The following METTL3 variants were observed in gnomAD, a reference collection of about 807,000 sequenced individuals.
METTL3 encodes the protein methyltransferase 3, N6-adenosine-methyltransferase complex catalytic subunit.
In METTL3, 42 loss-of-function variants were observed where a neutral mutation model predicts 64.3. The ratio of observed to expected loss-of-function variants is 0.65; its 90% CI spans 0.51 to 0.84. The LOEUF (loss-of-function observed/expected upper bound fraction) is 0.84. Among genes scored for constraint, METTL3 ranks in the 40% least tolerant of loss-of-function variants. The pLI is 0.00. For synonymous variants in METTL3, 256 were observed against 263.6 expected (o/e 0.97, Z 0.28); for missense variants, 435 against 722.3 (o/e 0.60, Z 4.56).
Position 21,499,071 on chromosome 14 carries a change from G to A in METTL3, c.1585C>T (p.Arg529Cys), listed in dbSNP as rs1228535300. The A allele has an allele frequency of 1.2e-6, 2 of 1,613,970 alleles. No homozygotes were observed. Among genetic ancestry groups the A allele is most frequent in the Non-Finnish European group, 1.7e-6 (2 of 1,180,014 alleles). ...GGTCGTCCAAATAACTCAATCTTGC[G>A]AGTGCCAGGAGATAGTCTTTCAATC... ...GMIERLSPGT[R>C]KIELFGRPHN... Residue 529 changes from arginine (R) to cysteine (C), a missense_variant, in exon 10 of 11, where the codon CGC becomes TGC. Physicochemically the swap from Arg to Cys is radical, Grantham distance 180. This residue lies in a region of METTL3 where 38 missense variants were observed against 102.3 expected (regional missense o/e 0.37). Coordinates refer to ENST00000298717, the MANE Select transcript of METTL3 (RefSeq NM_019852.5).
rs768726547 is a variant in METTL3, at chr14:21,500,493, A to T, written c.1304+2T>A. 7 of 1,613,962 alleles carry T rather than the reference A, an allele frequency of 4.3e-6. No individual in the cohort carries two copies. The highest frequency in any genetic ancestry group is 3.4e-6 in the Non-Finnish European group (4 of 1,179,960). The stretch of plus-strand genomic sequence containing the variant: ...CATACCTACGTAACTGAATTGCATT[A>T]CCTGCCTGTGACCCAGAGGAAGAGA... On this transcript the variant is annotated splice_donor_variant, in intron 6 of 10. Transcript: ENST00000298717. LOFTEE classifies it high-confidence loss of function.
chr14:21,506,397 C>G (rs944782584), intron 1 of METTL3, among the ~76,000 whole-genome samples: 3 of 151,752 alleles, frequency 2.0e-5, no homozygotes, highest in Admixed American at 2.0e-4. Flanking sequence ...ACTAAAAATA[C>G]AAAAAAATTA....
At chr14:21,500,776 A>G (rs1364256572) in intron 5 of METTL3, 94 bp from the exon 6 acceptor site, 1 of 1,464,654 alleles carries the variant, frequency 6.8e-7, no homozygotes, top group Admixed American at 2.0e-5. Flanking sequence ...CTATTCCCTT[A>G]AAAGCTTATC....
At position 21,499,513 on chromosome 14, in the gene METTL3, G is replaced by T. The variant is rs763295671; in HGVS notation, c.1431C>A (p.Asn477Lys). Residue 477 changes from asparagine (N) to lysine (K), a missense_variant, in exon 8 of 11, where the codon AAC becomes AAA. Around this residue, in one of 9 missense-constraint regions of METTL3, gnomAD observed 38 missense variants for 102.3 expected, o/e 0.37. Transcript: ENST00000298717. ...TCACCAAGCAGTGTTCCTTCCCATGGTTCAACCAGTGACCTGTACGGCCTG... is the reference window on the plus strand; with the variant it reads ...TCACCAAGCAGTGTTCCTTCCCATGTTTCAACCAGTGACCTGTACGGCCTG... ...IRTGRTGHWL[N>K]HGKEHCLVGV... The T allele has an allele frequency of 6.2e-7, 1 of 1,614,124 alleles. No individual in the cohort carries two copies. Among genetic ancestry groups the T allele is most frequent in the Admixed American group, 1.7e-5 (1 of 60,020 alleles).
chr14:21,509,199 G>A (rs1311286914), intron 1 of METTL3, among the ~76,000 whole-genome samples: 3 of 152,134 alleles, frequency 2.0e-5, no homozygotes, highest in Admixed American at 6.5e-5. Flanking sequence ...AAATAGCTGG[G>A]CATGGTAGCA....
In METTL3 at chr14:21,503,392, C is replaced by T. The variant is rs759559949; in HGVS notation, c.504G>A (p.Glu168=). 30 of 1,614,060 alleles carry T rather than the reference C, an allele frequency of 1.9e-5. No individual in the cohort carries two copies. The highest frequency in any genetic ancestry group is 2.5e-5 in the Non-Finnish European group (29 of 1,180,026). Residue 168 remains glutamate (E), a synonymous_variant, in exon 3 of 11, where the codon GAG becomes GAA. Transcript: ENST00000298717. ...TCTGCCCTGTGACAGTCCCTGCTAC[C>T]TCCCCAGGGCCCTTCTTTTCTGCCA... ...GAVAEKKGPG[E]VAGTVTGQKR... is the part of the protein sequence containing the mutation.
rs1210513926 is a variant in METTL3 at position 21,503,189 on chromosome 14, TC to T, written c.706del (p.Glu236AsnfsTer12). On this transcript the variant is annotated frameshift_variant, in exon 3 of 11. Transcript: ENST00000298717. LOFTEE classifies it high-confidence loss of function. ...ESLLNQQSTKEQQSKKVSQEI... is the reference protein window; with the variant it reads ...ESLLNQQSTKXQQSKKVSQEI... ...GACCCCTACCTTCTTGCTCTGTTGT[TC>T]CTTAGTGGACTGTTGGTTCAGAAGG... The T allele has an allele frequency of 1.2e-6, 2 of 1,611,874 alleles. No homozygotes were observed. Among genetic ancestry groups the T allele is most frequent in the Admixed American group, 1.7e-5 (1 of 59,708 alleles).
rs754163954 is a variant in METTL3 at position 21,511,269 on chromosome 14, TAGCACCTCCC to T, written c.-56_-47del. Reference sequence around the variant, plus strand: ...ACCTCTCGAATAAGGCGCGGCGGACTAGCACCTCCCAGCACTCGCTCCAGGATATAGCCAA... The same window carrying T: ...ACCTCTCGAATAAGGCGCGGCGGACTAGCACTCGCTCCAGGATATAGCCAA... On this transcript the variant is annotated 5_prime_UTR_variant, in exon 1 of 11. Coordinates refer to ENST00000298717, the MANE Select transcript of METTL3 (RefSeq NM_019852.5). 2 of 1,590,264 alleles carry T rather than the reference TAGCACCTCCC, an allele frequency of 1.3e-6. No individual in the cohort carries two copies. The highest frequency in any genetic ancestry group is 1.1e-5 in the South Asian group (1 of 88,006).
At chr14:21,499,635 A>C (rs540836022) in intron 7 of METTL3, 35 bp from the exon 8 acceptor site, 1 of 1,602,458 alleles carries the variant, frequency 6.2e-7, no homozygotes, top group Non-Finnish European at 8.5e-7. Flanking sequence ...AATTTTAGCC[A>C]AACTTTTACA....
At chr14:21,510,344 T>G (rs1188049443) in intron 1 of METTL3, among the ~76,000 whole-genome samples, 3 of 152,058 alleles carry the variant, frequency 2.0e-5, no homozygotes, top group African/African-American at 7.3e-5. Flanking sequence ...GATTTAGAGA[T>G]GCAGTTGAAG....
chr14:21,504,143 C>G (rs145466613), intron 1 of METTL3: 33 of 437,292 alleles, frequency 7.5e-5, no homozygotes, highest in African/African-American at 6.5e-4. Flanking sequence ...TGCTGTGATA[C>G]AAAGAAAGTA....
chr14:21,507,192 T>A (rs960946175), intron 1 of METTL3, among the ~76,000 whole-genome samples: 9 of 151,630 alleles, frequency 5.9e-5, no homozygotes, highest in Non-Finnish European at 1.2e-4. Context: ...AAAAAATAAA[T>A]AAATAAATAA....
intron 3 of METTL3, among the ~76,000 whole-genome samples, chr14:21,502,224 A>G (rs898050615): frequency 1.3e-5 from 2 of 152,024 alleles, no homozygotes; most frequent in African/African-American, 4.8e-5. Context: ...GATAGGGTCT[A>G]TGTTGCCCAG....
In METTL3 at chr14:21,499,315, G is replaced by T; in HGVS notation, c.1509C>A (p.Ile503=). 6.2e-7 allele frequency: 1 copy of T among 1,614,162 alleles called. No homozygotes were observed. Among genetic ancestry groups the T allele is most frequent in the African/African-American group, 1.3e-5 (1 of 75,040 alleles). The change falls in exon 9 of 11, where the codon ATC becomes ATA. Residue 503 remains isoleucine (I), a synonymous_variant. Coordinates refer to ENST00000298717, the MANE Select transcript of METTL3 (RefSeq NM_019852.5). ...GFNQGLDCDV[I]VAEVRSTSHK... ...CCTGGGAAGCACATACCTCAGCTAC[G>T]ATCACATCACAATCCAGACCCTGGT...
At chr14:21,510,552 T>C (rs1891807847) in intron 1 of METTL3, 1 of 152,222 alleles carries the variant, frequency 6.6e-6, no homozygotes. Context: ...GAGAAAAAGT[T>C]TGGAAACCAA....
chr14:21,506,036 T>C (rs1891688433), intron 1 of METTL3, among the ~76,000 whole-genome samples: 1 of 152,182 alleles, frequency 6.6e-6, no homozygotes, highest in South Asian at 2.1e-4. Flanking sequence ...CAAATATAGT[T>C]TGTTTCCATT....
Position 21,501,730 on chromosome 14 carries a change from GA to G in METTL3, c.896del (p.Phe299SerfsTer13). 6.2e-7 allele frequency: 1 copy of G among 1,614,092 alleles called. No homozygotes were observed. Among genetic ancestry groups the G allele is most frequent in the East Asian group, 2.2e-5 (1 of 44,890 alleles). ...CACCTCATTCCCTTCCAAGAGACCTGAAGTGCAGCTTGCGACAGGGTCGATC... is the reference window on the plus strand; with the variant it reads ...CACCTCATTCCCTTCCAAGAGACCTGAGTGCAGCTTGCGACAGGGTCGATC... ...DADRPCRKLHFRRIINKHTDE... is the reference protein window; with the variant it reads ...DADRPCRKLHXRRIINKHTDE... On this transcript the variant is annotated frameshift_variant, in exon 4 of 11. Coordinates refer to ENST00000298717, the MANE Select transcript of METTL3 (RefSeq NM_019852.5). LOFTEE classifies it high-confidence loss of function.
At chr14:21,509,338 T>TCTAA (rs552309476) in intron 1 of METTL3, 2 of 152,132 alleles carry the variant, frequency 1.3e-5, no homozygotes, top group South Asian at 4.1e-4. Flanking sequence ...AGACCCTGTC[T>TCTAA]CTAACTAACT....
chr14:21,510,090 C>G (rs1891796581), intron 1 of METTL3, among the ~76,000 whole-genome samples: 1 of 152,220 alleles, frequency 6.6e-6, no homozygotes, highest in East Asian at 1.9e-4. Context: ...TAGATTCATT[C>G]ATTTGGTTTC....
Sources: gnomAD v4.1 joint callset for allele counts (sites outside exome capture counted in the v4.1 genomes callset) on GRCh38, gnomAD v4.1.1 for gene constraint, gnomAD v4.1.1 regional missense constraint, MANE v1.5 for transcripts, NCBI Gene and HGNC (gene_info 2026-07-23, HGNC 2026-07-21) for gene names.